The following NSMCE2 variants were observed in gnomAD, a reference collection of about 807,000 sequenced individuals.
NSMCE2 encodes NSE2 SUMO ligase component of SMC5/6 complex, also known as E3 SUMO-protein ligase NSE2.
NSMCE2 carries 24 observed loss-of-function variants against 23.8 expected under a neutral mutation model. The ratio of observed to expected loss-of-function variants is 1.01; its 90% confidence interval spans 0.73 to 1.42. The LOEUF is 1.42. NSMCE2 is among the 40% of genes most tolerant of loss of function. The pLI is 0.00. For synonymous variants in NSMCE2, 92 were observed against 94.1 expected (o/e 0.98, Z 0.13); for missense variants, 284 against 296.5 (o/e 0.96, Z 0.31).
intron 5 of NSMCE2, among the ~76,000 whole-genome samples, chr8:125,310,783 C>T (rs535194933): frequency 2.0e-5 from 3 of 152,296 alleles, no homozygotes; most frequent in South Asian, 2.1e-4. Context: ...CCTCCATGCT[C>T]ATTTACCGAG....
chr8:125,217,988 C>T (rs4278169), intron 5 of NSMCE2, among the ~76,000 whole-genome samples: 3,298 of 152,108 alleles, frequency 0.022, 130 homozygotes, highest in African/African-American at 0.076. Flanking sequence ...GAAGTCTCTA[C>T]GCTATTTTAA....
At chr8:125,281,688 G>A (rs1054985869) in intron 5 of NSMCE2, among the ~76,000 whole-genome samples, 4 of 151,248 alleles carry the variant, frequency 2.6e-5, no homozygotes, top group Non-Finnish European at 4.4e-5. Context: ...AATCTTACCC[G>A]CCTCAGCCTC....
chr8:125,327,259 C>G (rs13273063), intron 5 of NSMCE2, among the ~76,000 whole-genome samples: 64,321 of 131,422 alleles, frequency 0.49, 16,573 homozygotes, highest in Admixed American at 0.59. Flanking sequence ...AAGCAAGACT[C>G]CATCTCAAAA....
intron 5 of NSMCE2, among the ~76,000 whole-genome samples, chr8:125,213,906 A>G (rs937415063): frequency 1.3e-5 from 2 of 151,956 alleles, no homozygotes; most frequent in African/African-American, 4.8e-5. Flanking sequence ...TTTGTTTTAT[A>G]TCTGATCCAC....
intron 3 of NSMCE2, among the ~76,000 whole-genome samples, chr8:125,107,206 T>G (rs1400309744): frequency 6.7e-6 from 1 of 149,090 alleles, no homozygotes; most frequent in Non-Finnish European, 1.5e-5. Flanking sequence ...TTTTTTTTTT[T>G]GAGATGGAGT....
chr8:125,291,698 G>A (rs1828111810), intron 5 of NSMCE2, among the ~76,000 whole-genome samples: 1 of 152,150 alleles, frequency 6.6e-6, no homozygotes, highest in South Asian at 2.1e-4. Flanking sequence ...GTGTTTTTCT[G>A]GAGTTATATT....
At chr8:125,239,335 A>G (rs911255764) in intron 5 of NSMCE2, among the ~76,000 whole-genome samples, 1 of 152,128 alleles carries the variant, frequency 6.6e-6, no homozygotes, top group Admixed American at 6.5e-5. Context: ...TGGGTGGGGC[A>G]CTGTGGATCA....
intron 3 of NSMCE2, among the ~76,000 whole-genome samples, chr8:125,117,496 T>C (rs1819064149): frequency 6.6e-6 from 1 of 152,192 alleles, no homozygotes; most frequent in Non-Finnish European, 1.5e-5. Context: ...GTTAATGCGT[T>C]TTCTTTGTTC....
intron 3 of NSMCE2, among the ~76,000 whole-genome samples, chr8:125,122,013 A>G (rs1819285557): frequency 6.6e-6 from 1 of 152,002 alleles, no homozygotes; most frequent in Non-Finnish European, 1.5e-5. Flanking sequence ...ATAAGTTCTT[A>G]CCTACGCATT....
intron 5 of NSMCE2, among the ~76,000 whole-genome samples, chr8:125,199,643 G>A (rs575026003): frequency 6.6e-6 from 1 of 152,318 alleles, no homozygotes; most frequent in South Asian, 2.1e-4. Flanking sequence ...TGAGAAGAAT[G>A]TATATTCTGT....
chr8:125,366,279 G>T (rs1039794737), intron 7 of NSMCE2, among the ~76,000 whole-genome samples: 1 of 152,190 alleles, frequency 6.6e-6, no homozygotes. Context: ...GGTGGCTCAC[G>T]CCGGTAATCC....
At chr8:125,309,288 C>CACAGAGTAT (rs1458156140) in intron 5 of NSMCE2, among the ~76,000 whole-genome samples, 3 of 150,562 alleles carry the variant, frequency 2.0e-5, no homozygotes, top group African/African-American at 4.9e-5. Flanking sequence ...GTTGTGAAAC[C>CACAGAGTAT]ACAGAGTATA....
At chr8:125,357,868 C>A in intron 7 of NSMCE2, 50 bp downstream of exon 7, 2 of 1,313,350 alleles carry the variant, frequency 1.5e-6, no homozygotes, top group Admixed American at 1.7e-5. Flanking sequence ...GGTAGTTACT[C>A]AGAGGTGGCG....
At chr8:125,330,132 T>G (rs10216374) in intron 5 of NSMCE2, among the ~76,000 whole-genome samples, 66,195 of 150,872 alleles carry the variant, frequency 0.44, 16,813 homozygotes, top group East Asian at 0.55. Flanking sequence ...TGGAAACAAG[T>G]CTGCCTTCTT....
chr8:125,294,317 T>C (rs1586730403), intron 5 of NSMCE2, among the ~76,000 whole-genome samples: 1 of 152,220 alleles, frequency 6.6e-6, no homozygotes, highest in Non-Finnish European at 1.5e-5. Flanking sequence ...GTGGTATTTA[T>C]CTCACAGTGT....
intron 3 of NSMCE2, among the ~76,000 whole-genome samples, chr8:125,111,576 G>A (rs1466267562): frequency 6.6e-6 from 1 of 152,290 alleles, no homozygotes; most frequent in East Asian, 1.9e-4. Flanking sequence ...GAGGCGGGCG[G>A]ATCACTTGAG....
intron 5 of NSMCE2, among the ~76,000 whole-genome samples, chr8:125,256,959 A>AT (rs1826457202): frequency 1.6e-5 from 2 of 123,604 alleles, no homozygotes; most frequent in African/African-American, 6.4e-5. Context: ...AAAAAAAAAA[A>AT]GAGGGCTGAA....
chr8:125,158,643 G>T (rs1463055130), intron 4 of NSMCE2, among the ~76,000 whole-genome samples: 2 of 152,164 alleles, frequency 1.3e-5, no homozygotes, highest in African/African-American at 4.8e-5. Flanking sequence ...GCAAACTCCT[G>T]ATTATTTCTG....
chr8:125,116,885 CTTT>C (rs35636109), intron 3 of NSMCE2, among the ~76,000 whole-genome samples: 1 of 129,524 alleles, frequency 7.7e-6, no homozygotes, highest in Non-Finnish European at 1.6e-5. Context: ...AAGCATATAA[CTTT>C]TTTTTTTTTT....
Sources: allele counts gnomAD v4.1 joint callset (sites outside exome capture counted in the v4.1 genomes callset), GRCh38; gene constraint gnomAD v4.1.1; transcripts MANE v1.5; gene names NCBI Gene and HGNC (gene_info 2026-07-23, HGNC 2026-07-21).